The following KIF5C variants were observed in gnomAD, a reference collection of about 807,000 sequenced individuals.
The protein encoded by KIF5C is kinesin family member 5C.
In KIF5C, 18 loss-of-function variants were observed where a neutral mutation model predicts 125.2. That is an observed-to-expected ratio of 0.14 (90% CI 0.10 to 0.21). The LOEUF is 0.21. Ranked by LOEUF, KIF5C falls within the 10% of genes least tolerant of loss-of-function variation. KIF5C has a pLI of 1.00. For missense variants in KIF5C, 780 were observed against 1,183.8 expected (o/e 0.66, Z 5.01); for synonymous variants, 405 against 434.0 (o/e 0.93, Z 0.83).
intron 2 of KIF5C, 127 bp downstream of exon 2, chr2:148,922,354 T>A: frequency 5.3e-6 from 3 of 568,828 alleles, no homozygotes; most frequent in Non-Finnish European, 9.3e-6. Context: ...AAACACTGAA[T>A]TCTATAGCCT....
intron 23 of KIF5C, among the ~76,000 whole-genome samples, chr2:149,008,662 G>A (rs558257907): frequency 2.6e-4 from 40 of 152,310 alleles, no homozygotes; most frequent in African/African-American, 9.4e-4. Context: ...ATTTCAGCAG[G>A]TCATTTGTCT....
At chr2:148,987,379 A>G (rs188669252) in intron 15 of KIF5C, among the ~76,000 whole-genome samples, 12 of 152,298 alleles carry the variant, frequency 7.9e-5, no homozygotes, top group Admixed American at 5.2e-4. Context: ...CCTGGCCAGA[A>G]CCAGAACCAC....
At chr2:148,971,991 A>G (rs181049047) in intron 11 of KIF5C, among the ~76,000 whole-genome samples, 24 of 152,164 alleles carry the variant, frequency 1.6e-4, no homozygotes, top group African/African-American at 5.5e-4. Flanking sequence ...CTGGAGTGCA[A>G]TGGCGCGATC....
At chr2:148,937,514 G>A (rs930646346) in intron 4 of KIF5C, 126 bp downstream of exon 4, 2 of 1,343,970 alleles carry the variant, frequency 1.5e-6, no homozygotes, top group African/African-American at 3.0e-5. Context: ...GTGGTAAGCA[G>A]AGCCCTCTTT....
In KIF5C at chr2:148,981,174, ATCTG is replaced by A. The variant is rs1681225122; in HGVS notation, c.1363-177_1363-174del. Among the ~76,000 whole-genome samples the A allele has an allele frequency of 3.3e-5, 5 of 152,328 alleles. No individual in the cohort carries two copies. In the South Asian group the frequency reaches 1.0e-3, roughly 32 times the overall value. ...AAACAGATTTTTGCAATAAGAACAT[ATCTG>A]TCTTTTTCTTTTATTTTTTTATCGT... On this transcript the variant is annotated intron_variant, in intron 13 of 25. Coordinates refer to ENST00000435030, the MANE Select transcript of KIF5C (RefSeq NM_004522.3).
chr2:148,937,231 CAT>C, intron 3 of KIF5C, 51 bp from the exon 4 acceptor site: 1 of 1,546,462 alleles, frequency 6.5e-7, no homozygotes, highest in Non-Finnish European at 8.7e-7. Context: ...CCCTCTCTCT[CAT>C]GTGTCTCCCA....
At chr2:148,955,427 AATGGAGGTTTC>A (rs1558915705) in intron 10 of KIF5C, among the ~76,000 whole-genome samples, 2 of 152,130 alleles carry the variant, frequency 1.3e-5, no homozygotes, top group Non-Finnish European at 2.9e-5. Flanking sequence ...TAAGAGCTAA[AATGGAGGTTTC>A]ATGGAGAAGA....
intron 1 of KIF5C, 144 bp downstream of exon 1, chr2:148,875,887 C>T: frequency 8.2e-7 from 1 of 1,217,688 alleles, no homozygotes; most frequent in Middle Eastern, 3.0e-4. Flanking sequence ...ACCAGAGACC[C>T]CTCGCCCCGC....
intron 8 of KIF5C, chr2:148,947,354 A>G (rs1016813052): frequency 1.3e-5 from 3 of 233,236 alleles, no homozygotes; most frequent in Non-Finnish European, 2.5e-5. Flanking sequence ...AACTTCTGAG[A>G]AAAGAGAAAA....
intron 12 of KIF5C, among the ~76,000 whole-genome samples, chr2:148,976,063 A>G (rs1339000085): frequency 2.6e-5 from 4 of 152,092 alleles, no homozygotes; most frequent in Non-Finnish European, 5.9e-5. Context: ...CTGTCCCTCT[A>G]CAGTACTGCT....
Position 148,950,469 on chromosome 2 carries a change from GTGGTCT to G in KIF5C, c.968+8_968+13del. On this transcript the variant is annotated splice_region_variant and intron_variant, in intron 10 of 25. Coordinates refer to ENST00000435030, the MANE Select transcript of KIF5C (RefSeq NM_004522.3). ...CACTGATGTTCGGACAGAGGTACGT[GTGGTCT>G]CTCAGGACCCATCCTCTGTGCTAGG... The G allele has an allele frequency of 6.2e-7, 1 of 1,612,060 alleles. No individual in the cohort carries two copies. The highest frequency in any genetic ancestry group is 8.5e-7 in the Non-Finnish European group (1 of 1,178,926).
intron 16 of KIF5C, among the ~76,000 whole-genome samples, chr2:148,992,882 AG>A (rs1008153731): frequency 6.6e-6 from 1 of 152,234 alleles, no homozygotes; most frequent in Non-Finnish European, 1.5e-5. Flanking sequence ...TGATACCAAA[AG>A]CATGTGTTTT....
intron 21 of KIF5C, among the ~76,000 whole-genome samples, chr2:149,004,368 G>A (rs1465211650): frequency 2.0e-5 from 3 of 152,198 alleles, no homozygotes; most frequent in Non-Finnish European, 2.9e-5. Context: ...GCAGAATTTA[G>A]CTCTCTCCTC....
chr2:148,974,901 C>T (rs1364953960), intron 12 of KIF5C, among the ~76,000 whole-genome samples: 1 of 152,168 alleles, frequency 6.6e-6, no homozygotes, highest in Non-Finnish European at 1.5e-5. Flanking sequence ...ACCTTGGCAG[C>T]ACAGGGAACT....
chr2:149,009,959 T>A (rs1350624670), intron 23 of KIF5C, among the ~76,000 whole-genome samples, 176 bp from the exon 24 acceptor site: 2 of 152,174 alleles, frequency 1.3e-5, no homozygotes, highest in African/African-American at 2.4e-5. Context: ...AATCACGTGT[T>A]CAGGAACCTG....
chr2:149,019,797 C>A (rs1258054682), intron 25 of KIF5C, among the ~76,000 whole-genome samples: 1 of 152,206 alleles, frequency 6.6e-6, no homozygotes, highest in African/African-American at 2.4e-5. Context: ...TGCAAAAGCC[C>A]AAGTTGGGTG....
intron 2 of KIF5C, among the ~76,000 whole-genome samples, chr2:148,925,201 AAC>A (rs1316816761): frequency 2.0e-5 from 3 of 152,146 alleles, no homozygotes; most frequent in Non-Finnish European, 4.4e-5. Flanking sequence ...TAAAAGCATA[AAC>A]ACACAAATTC....
intron 1 of KIF5C, among the ~76,000 whole-genome samples, chr2:148,889,155 G>C (rs1681637901): frequency 6.6e-6 from 1 of 152,246 alleles, no homozygotes; most frequent in African/African-American, 2.4e-5. Context: ...TTTCCATACA[G>C]GGTCTACTGA....
At chr2:148,953,549 G>A (rs1682719055) in intron 10 of KIF5C, among the ~76,000 whole-genome samples, 1 of 152,198 alleles carries the variant, frequency 6.6e-6, no homozygotes, top group Admixed American at 6.5e-5. Flanking sequence ...ATGAGATTAA[G>A]CACTTTGAAC....
Sources: gnomAD v4.1 joint callset for allele counts (sites outside exome capture counted in the v4.1 genomes callset) on GRCh38, gnomAD v4.1.1 for gene constraint, MANE v1.5 for transcripts, NCBI Gene and HGNC (gene_info 2026-07-23, HGNC 2026-07-21) for gene names.